Variants in GAS5 observed in about 807,000 individuals in gnomAD.
GAS5 encodes the protein growth arrest specific 5 (non-protein coding).
At chr1:173,866,315 G>GA (rs1557872198) in intron 3 of GAS5, 1 of 518,918 alleles carries the variant, frequency 1.9e-6, no homozygotes, top group Non-Finnish European at 3.9e-6. Context: ...ACATCAGACA[G>GA]ATAGTACATC....
At chr1:173,865,342 C>T (rs1158405739) in intron 6 of GAS5, 1 of 502,228 alleles carries the variant, frequency 2.0e-6, no homozygotes, top group South Asian at 1.5e-5. Context: ...TAAAAGATTT[C>T]CCAACTACTG....
chr1:173,866,158 T>TG, intron 4 of GAS5: 1 of 475,378 alleles, frequency 2.1e-6, no homozygotes, highest in Non-Finnish European at 4.2e-6. Context: ...CCTGCTTACT[T>TG]GGATACAGTT....
chr1:173,867,807 A>T (rs569529817), upstream of GAS5: 1 of 517,754 alleles, frequency 1.9e-6, no homozygotes, highest in East Asian at 5.5e-5. Flanking sequence ...TAGGTCACGC[A>T]TGCACCATAT....
chr1:173,867,166 T>C, upstream of GAS5: 2 of 580,446 alleles, frequency 3.4e-6, no homozygotes, highest in Non-Finnish European at 3.0e-6. Context: ...ATTCATTATC[T>C]AGCGACAGGT....
At chr1:173,866,191 GCTTT>G (rs1654581983) in exon 4 of GAS5, 1 of 469,092 alleles carries the variant, frequency 2.1e-6, no homozygotes, top group Non-Finnish European at 4.3e-6. Flanking sequence ...TCAACTTCCA[GCTTT>G]CTGTCTAATG....
At chr1:173,868,285 G>A (rs112986720), upstream of GAS5, 1 of 153,300 alleles carries the variant, frequency 6.5e-6, no homozygotes, top group South Asian at 1.9e-4. Context: ...TGGGGGAAGG[G>A]GGGGCGGTGT....
At chr1:173,866,891 G>T (rs758787436) in intron 1 of GAS5, 4 of 765,408 alleles carry the variant, frequency 5.2e-6, no homozygotes, top group African/African-American at 1.7e-5. Flanking sequence ...CCTCAGAATA[G>T]AATTTCAGAA....
At position 173,864,209 on chromosome 1, in the gene GAS5, C is replaced by A. The variant is rs778428500; in HGVS notation, n.324+48G>T. The A allele has an allele frequency of 5.8e-6, 3 of 517,926 alleles. No homozygotes were observed. In the East Asian group the frequency reaches 1.6e-4, roughly 28 times the overall value. The allele number at this position is 517,926 out of a possible 1,614,324, so 32.1% of individuals were successfully genotyped here. A position where few individuals can be genotyped will look rare whatever the true frequency, so the allele number is the denominator to read the frequency against. On this transcript the variant is annotated intron_variant and non_coding_transcript_variant, in intron 7 of 7. Transcript: ENST00000651080. Reference sequence around the variant, plus strand: ...GAGAGAGTTCAAGTTGGATTGAGATCATCATGTATTCTGCAATTATAATAG... The same window carrying A: ...GAGAGAGTTCAAGTTGGATTGAGATAATCATGTATTCTGCAATTATAATAG...
At chr1:173,867,456 T>G, upstream of GAS5, 1 of 359,326 alleles carries the variant, frequency 2.8e-6, no homozygotes, top group Non-Finnish European at 5.5e-6. Flanking sequence ...AGGTTGCCAT[T>G]AACCGATGTC....
At chr1:173,866,845 C>T in intron 1 of GAS5, 2 of 765,474 alleles carry the variant, frequency 2.6e-6, no homozygotes, top group Non-Finnish European at 4.8e-6. Flanking sequence ...AACCTCACAG[C>T]AGTCACGTTA....
chr1:173,867,036 C>T, exon 1 of GAS5: 2 of 753,404 alleles, frequency 2.7e-6, no homozygotes, highest in Non-Finnish European at 4.8e-6. Flanking sequence ...CTGCACCCAG[C>T]ACCATACCTA....
At chr1:173,867,482 A>G, upstream of GAS5, 1 of 367,268 alleles carries the variant, frequency 2.7e-6, no homozygotes, top group South Asian at 2.0e-5. Context: ...ACTGCATTCC[A>G]GCCTGGGTGA....
chr1:173,864,045 C>T (rs1654172976), intron 7 of GAS5: 4 of 405,376 alleles, frequency 9.9e-6, no homozygotes. Flanking sequence ...CTTCAAAGGC[C>T]ACTGCACTCT....
chr1:173,868,932 C>T (rs911492226), upstream of GAS5: 3 of 152,688 alleles, frequency 2.0e-5, no homozygotes, highest in African/African-American at 4.8e-5. Flanking sequence ...CAGCTCTCAC[C>T]CCTCCAGTGC....
intron 6 of GAS5, chr1:173,864,896 A>T (rs1373855906): frequency 1.9e-6 from 1 of 519,038 alleles, no homozygotes; most frequent in Non-Finnish European, 3.8e-6. Context: ...CTATGTTATC[A>T]TCATTGTATC....
chr1:173,866,013 C>G, intron 4 of GAS5: 3 of 519,154 alleles, frequency 5.8e-6, no homozygotes, highest in Non-Finnish European at 1.2e-5. Context: ...TCAGCATTTG[C>G]TTATCATCAT....
At chr1:173,864,527 A>C in intron 6 of GAS5, 1 of 423,902 alleles carries the variant, frequency 2.4e-6, no homozygotes, top group Non-Finnish European at 4.6e-6. Context: ...ATGAAAAATA[A>C]TACCCATTTA....
At chr1:173,866,033 A>G in intron 4 of GAS5, 1 of 519,200 alleles carries the variant, frequency 1.9e-6, no homozygotes, top group South Asian at 1.4e-5. Flanking sequence ...TCCAGGCTGC[A>G]TTTACAAACT....
upstream of GAS5, chr1:173,867,746 G>C (rs375279785): frequency 1.9e-6 from 1 of 518,966 alleles, no homozygotes; most frequent in Non-Finnish European, 3.8e-6. Context: ...TCAGAGGCAG[G>C]GCACGAGAGC....
Sources: gnomAD v4.1 joint callset for allele counts on GRCh38, gnomAD v4.1.1 for gene constraint, MANE v1.5 for transcripts, NCBI Gene and HGNC (gene_info 2026-07-23, HGNC 2026-07-21) for gene names.